GALNT9: variants seen among roughly 807,000 people sequenced by gnomAD.
GALNT9 encodes GalNAc transferase 9.
In GALNT9, 47 loss-of-function variants were observed where a neutral mutation model predicts 63.1. The observed-to-expected ratio is 0.75, with a 90% CI of 0.59 to 0.95. The LOEUF (loss-of-function observed/expected upper bound fraction) is 0.95. Ranked by LOEUF, GALNT9 falls within the 40% of genes least tolerant of loss-of-function variation. The pLI is 0.00. For missense variants in GALNT9, 829 were observed against 874.8 expected, an observed-to-expected ratio of 0.95 and a Z score of 0.66; for synonymous variants, 396 against 365.7, an observed-to-expected ratio of 1.08 and a Z score of -0.94.
chr12:132,291,640 T>A (rs1450068302), intron 1 of GALNT9, among the ~76,000 whole-genome samples: 4 of 137,088 alleles, frequency 2.9e-5, no homozygotes, highest in Admixed American at 1.5e-4. Context: ...ACCACCCACA[T>A]CCACAGCACC....
At position 132,316,465 on chromosome 12, in the gene GALNT9, C is replaced by T. The variant is rs1868514718; in HGVS notation, c.238+12501G>A. On this transcript the variant is annotated intron_variant, in intron 1 of 10. Transcript: ENST00000328957. This position sits in a 1 kb window ranked among gnomAD's most constrained non-coding sequence, Gnocchi z 4.3. ...AAGAAAAGGAATTTGCAGTTCTCAA[C>T]CTCAGATGACCTTGCTTCCTTCCTC... Among the ~76,000 whole-genome samples the T allele has an allele frequency of 6.6e-6, 1 of 152,112 alleles. No homozygotes were observed. Among genetic ancestry groups the T allele is most frequent in the Non-Finnish European group, 1.5e-5 (1 of 68,010 alleles).
intron 5 of GALNT9, among the ~76,000 whole-genome samples, chr12:132,250,579 C>T (rs1371983600): frequency 1.3e-5 from 2 of 152,210 alleles, no homozygotes; most frequent in East Asian, 3.9e-4. Flanking sequence ...CACCTGAGGT[C>T]AGGAGTTCAA....
intron 10 of GALNT9, among the ~76,000 whole-genome samples, chr12:132,197,547 C>T (rs1875604510): frequency 6.6e-6 from 1 of 152,216 alleles, no homozygotes; most frequent in African/African-American, 2.4e-5. Flanking sequence ...GAGGCAGATG[C>T]AGGGCTATGA....
intron 2 of GALNT9, chr12:132,280,778 CA>C (rs1555241613): frequency 6.6e-6 from 1 of 152,326 alleles, no homozygotes; most frequent in Non-Finnish European, 1.5e-5. Context: ...TTTCAGCCTG[CA>C]CCCCCGTCTG....
chr12:132,313,880 G>GTACA (rs1179084414), intron 1 of GALNT9, among the ~76,000 whole-genome samples: 10 of 79,458 alleles, frequency 1.3e-4, no homozygotes, highest in Non-Finnish European at 2.3e-4. Context: ...CCATCCATCC[G>GTACA]TACATACATA....
At chr12:132,302,891 T>G (rs1199602497) in intron 1 of GALNT9, among the ~76,000 whole-genome samples, 3 of 152,088 alleles carry the variant, frequency 2.0e-5, no homozygotes, top group African/African-American at 7.2e-5. Context: ...AGAGGAGCTT[T>G]GAGCTGAGAG....
At chr12:132,222,212 G>A (rs558581180) in intron 6 of GALNT9, among the ~76,000 whole-genome samples, 8 of 152,186 alleles carry the variant, frequency 5.3e-5, no homozygotes, top group East Asian at 3.9e-4. Context: ...AGAATTCTAC[G>A]AGTATCAGAA....
In GALNT9 at chr12:132,304,438, C is replaced by T. The variant is rs1261512561; in HGVS notation, c.239-18008G>A. 2.9e-4 allele frequency among the ~76,000 whole-genome samples: 12 copies of T among 41,266 alleles called. 2 individuals are homozygous for T. Among genetic ancestry groups the T allele is most frequent in the African/African-American group, 8.9e-4 (10 of 11,238 alleles). The allele number at this position is 41,266 out of a possible 152,430, so 27.1% of individuals were successfully genotyped here. A position where few individuals can be genotyped will look rare whatever the true frequency, so the allele number is the denominator to read the frequency against. On this transcript the variant is annotated intron_variant, in intron 1 of 10. Coordinates refer to ENST00000328957, the MANE Select transcript of GALNT9 (RefSeq NM_001122636.2). ...GCCCTCACCCGGGCACAGCCTCGCC[C>T]GGGCACACCCTCGCCCGGGCACAGC...
rs1446084284 is a variant in GALNT9, at chr12:132,327,271, G to T, written c.238+1695C>A. Among the ~76,000 whole-genome samples the T allele has an allele frequency of 6.8e-6, 1 of 148,000 alleles. No homozygotes were observed. Among genetic ancestry groups the T allele is most frequent in the Non-Finnish European group, 1.5e-5 (1 of 67,298 alleles). On this transcript the variant is annotated intron_variant, in intron 1 of 10. Transcript: ENST00000328957. This position sits in a 1 kb window ranked among gnomAD's most constrained non-coding sequence, Gnocchi z 4.3. The stretch of plus-strand genomic sequence containing the variant: ...GAGGACAGGAGGAAGCGGGATGGGA[G>T]AAGGCAGTGGGGGCGGTGGGCGGTG...
chr12:132,276,955 T>G (rs1224275894), intron 2 of GALNT9, among the ~76,000 whole-genome samples: 1 of 151,750 alleles, frequency 6.6e-6, no homozygotes, highest in African/African-American at 2.4e-5. Flanking sequence ...CACACACACA[T>G]GTACATACAT....
chr12:132,310,712 T>C lies in GALNT9; in HGVS notation c.238+18254A>G, dbSNP rs1397094573. On this transcript the variant is annotated intron_variant, in intron 1 of 10. Coordinates refer to ENST00000328957, the MANE Select transcript of GALNT9 (RefSeq NM_001122636.2). The surrounding 1 kb of genome is among the most constrained non-coding windows in gnomAD (Gnocchi z 4.8). ...TTCTGAGAGAGGAAACAGCACAAAT[T>C]GAGAGGCGGCCGGGCACAAGATAAT... 6.6e-6 allele frequency among the ~76,000 whole-genome samples: 1 copy of C among 152,058 alleles called. No homozygotes were observed. The highest frequency in any genetic ancestry group is 1.5e-5 in the Non-Finnish European group (1 of 68,002).
At chr12:132,275,343 C>T (rs549516503) in intron 2 of GALNT9, 1 of 152,474 alleles carries the variant, frequency 6.6e-6, no homozygotes, top group African/African-American at 2.4e-5. Context: ...GGGAGAGACA[C>T]ACGGCCCAAT....
In GALNT9 at chr12:132,319,092, G is replaced by A. The variant is rs1364827938; in HGVS notation, c.238+9874C>T. 3.9e-5 allele frequency among the ~76,000 whole-genome samples: 6 copies of A among 152,316 alleles called. No individual in the cohort carries two copies. The highest frequency in any genetic ancestry group is 1.9e-4 in the East Asian group (1 of 5,176). ...GCCACCGAGCCACCAAGCCTGCAGC[G>A]TGCGTGCCTTCATGTGAGGTGTGCT... On this transcript the variant is annotated intron_variant, in intron 1 of 10. Transcript: ENST00000328957. The surrounding 1 kb of genome is among the most constrained non-coding windows in gnomAD (Gnocchi z 5.2).
Position 132,199,586 on chromosome 12 carries a change from C to T in GALNT9, c.1402-317G>A, listed in dbSNP as rs553149055. On this transcript the variant is annotated intron_variant, in intron 8 of 10. Transcript: ENST00000328957. ...TGCCTTGCCGCCTGCTCCCTGTGCC[C>T]TTGCGGCTCCCACTGAGTGGGTAGA... 2.6e-5 allele frequency among the ~76,000 whole-genome samples: 4 copies of T among 152,276 alleles called. No homozygotes were observed. The East Asian group carries it at 7.8e-4, about 30-fold the overall frequency.
At chr12:132,281,572 T>C (rs573608459) in intron 2 of GALNT9, among the ~76,000 whole-genome samples, 1 of 152,230 alleles carries the variant, frequency 6.6e-6, no homozygotes, top group Non-Finnish European at 1.5e-5. Flanking sequence ...ACTGGGTTTC[T>C]ATCAGTGAGG....
At chr12:132,298,339 C>A (rs1881151826) in intron 1 of GALNT9, among the ~76,000 whole-genome samples, 1 of 151,774 alleles carries the variant, frequency 6.6e-6, no homozygotes, top group South Asian at 2.1e-4. Flanking sequence ...GATAAACAAG[C>A]CACGGCTGAG....
intron 2 of GALNT9, among the ~76,000 whole-genome samples, chr12:132,266,990 C>T (rs1438395461): frequency 6.6e-6 from 1 of 152,202 alleles, no homozygotes; most frequent in East Asian, 1.9e-4. Flanking sequence ...GTCACAGACG[C>T]AGCCTCCACT....
intron 7 of GALNT9, among the ~76,000 whole-genome samples, chr12:132,202,395 G>A (rs931823721): frequency 1.3e-5 from 2 of 152,132 alleles, no homozygotes; most frequent in East Asian, 1.9e-4. Flanking sequence ...TCTGCCTGGC[G>A]GGAGCTGATA....
chr12:132,267,891 GCA>G lies in GALNT9; in HGVS notation c.420-5268_420-5267del, dbSNP rs1339812665. Among the ~76,000 whole-genome samples the G allele has an allele frequency of 1.4e-3, 158 of 110,968 alleles. 1 individual carries two copies. The highest frequency in any genetic ancestry group is 7.4e-3 in the African/African-American group (148 of 19,882). 72.8% of individuals were successfully genotyped at this position (110,968 alleles called of 152,430 possible). Reference sequence around the variant, plus strand: ...GCATACAACCCACATGCACTCACACGCACACACGCACACAAATCCACATGCAC... The same window carrying G: ...GCATACAACCCACATGCACTCACACGCACACGCACACAAATCCACATGCAC... On this transcript the variant is annotated intron_variant, in intron 2 of 10. Coordinates refer to ENST00000328957, the MANE Select transcript of GALNT9 (RefSeq NM_001122636.2).
Sources: gnomAD v4.1 joint callset for allele counts (sites outside exome capture counted in the v4.1 genomes callset) on GRCh38, gnomAD v4.1.1 for gene constraint, Gnocchi (gnomAD v3.1) non-coding constraint, MANE v1.5 for transcripts, NCBI Gene and HGNC (gene_info 2026-07-23, HGNC 2026-07-21) for gene names.